The following PLCB1 variants were observed in gnomAD, a reference collection of about 807,000 sequenced individuals.
The protein encoded by PLCB1 is 1-phosphatidylinositol 4,5-bisphosphate phosphodiesterase beta-1.
PLCB1 carries 46 observed loss-of-function variants against 161.8 expected under a neutral mutation model. The ratio of observed to expected loss-of-function variants is 0.28; its 90% CI spans 0.22 to 0.36. The LOEUF is 0.36. PLCB1 is among the 10% of genes least tolerant of loss of function. The probability of loss-of-function intolerance (pLI) is 1.00; values close to 1 mark genes in which losing one functional copy is unlikely to be tolerated. For missense variants in PLCB1, 1,016 were observed against 1,472.5 expected (o/e 0.69, Z 5.07); for synonymous variants, 517 against 503.7 (o/e 1.03, Z -0.35).
chr20:8,140,891 C>A (rs1047975599), intron 1 of PLCB1, among the ~76,000 whole-genome samples: 11 of 151,994 alleles, frequency 7.2e-5, no homozygotes, highest in African/African-American at 2.4e-4. Context: ...CTCTGCCTCC[C>A]CGGTTCAAGC....
chr20:8,559,230 T>A (rs1429094379), intron 3 of PLCB1, among the ~76,000 whole-genome samples: 1 of 151,956 alleles, frequency 6.6e-6, no homozygotes, highest in African/African-American at 2.4e-5. Flanking sequence ...AAAGTAATTG[T>A]ATACTCTTGA....
At position 8,132,787 on chromosome 20, in the gene PLCB1, C is replaced by T. The variant is rs2051305857; in HGVS notation, c.99+37C>T. On this transcript the variant is annotated intron_variant, in intron 1 of 31. Transcript: ENST00000338037. The surrounding 1 kb of genome is among the most constrained non-coding windows in gnomAD (Gnocchi z 5.2). ...GGCGGCCCGAGTCGGGGCGCTGGCT[C>T]GGGCACCGGGCAGGGCGGGCGTCGT... The T allele has an allele frequency of 3.5e-6, 5 of 1,435,788 alleles. No homozygotes were observed. The highest frequency in any genetic ancestry group is 1.8e-4 in the Middle Eastern group (1 of 5,646). The allele number at this position is 1,435,788 out of a possible 1,614,324, so 88.9% of individuals were successfully genotyped here. A position where few individuals can be genotyped will look rare whatever the true frequency, so the allele number is the denominator to read the frequency against.
chr20:8,163,707 C>T (rs2051648205), intron 2 of PLCB1, among the ~76,000 whole-genome samples: 1 of 152,198 alleles, frequency 6.6e-6, no homozygotes, highest in Non-Finnish European at 1.5e-5. Flanking sequence ...CCCATGGCCA[C>T]ATTTGGCTGG....
intron 2 of PLCB1, among the ~76,000 whole-genome samples, chr20:8,218,955 T>C (rs954573945): frequency 6.6e-6 from 1 of 152,186 alleles, no homozygotes; most frequent in African/African-American, 2.4e-5. Context: ...TTCAGAGTTT[T>C]ATTCTACACT....
At chr20:8,668,091 A>G (rs1293536903) in intron 9 of PLCB1, among the ~76,000 whole-genome samples, 3 of 152,024 alleles carry the variant, frequency 2.0e-5, no homozygotes, top group Non-Finnish European at 4.4e-5. Flanking sequence ...GGGTCTTGTC[A>G]ATAGTCAATG....
At chr20:8,377,915 C>T (rs986195782) in intron 3 of PLCB1, among the ~76,000 whole-genome samples, 2 of 152,058 alleles carry the variant, frequency 1.3e-5, no homozygotes, top group Non-Finnish European at 2.9e-5. Flanking sequence ...CAAATGTGGG[C>T]ATTTGAGGCT....
intron 2 of PLCB1, among the ~76,000 whole-genome samples, chr20:8,256,295 G>A (rs6077338): frequency 0.22 from 33,274 of 151,880 alleles, 4,052 homozygotes; most frequent in Non-Finnish European, 0.28. Context: ...GCCTATCCTG[G>A]GTGGTTCTTC....
intron 2 of PLCB1, among the ~76,000 whole-genome samples, chr20:8,188,570 T>C (rs2051931689): frequency 6.6e-6 from 1 of 152,166 alleles, no homozygotes; most frequent in Non-Finnish European, 1.5e-5. Context: ...GACAGAAGTA[T>C]GTTTATGACA....
At chr20:8,756,127 A>T (rs1486484647) in intron 23 of PLCB1, among the ~76,000 whole-genome samples, 2 of 151,646 alleles carry the variant, frequency 1.3e-5, no homozygotes, top group Non-Finnish European at 2.9e-5. Context: ...AATATAAGGG[A>T]CTCCATTTAG....
At chr20:8,521,446 G>A (rs565274992) in intron 3 of PLCB1, among the ~76,000 whole-genome samples, 20 of 152,158 alleles carry the variant, frequency 1.3e-4, no homozygotes, top group Non-Finnish European at 2.9e-5. Flanking sequence ...GCTCATGTCT[G>A]TAATCCCAGC....
At chr20:8,841,179 A>G (rs1986491055) in intron 31 of PLCB1, among the ~76,000 whole-genome samples, 1 of 152,094 alleles carries the variant, frequency 6.6e-6, no homozygotes, top group Non-Finnish European at 1.5e-5. Context: ...TCCTACAACA[A>G]TAACTTTAAA....
Position 8,774,612 on chromosome 20 carries a change from A to C in PLCB1, c.3004A>C (p.Thr1002Pro), listed in dbSNP as rs1358746132. ...QDLAALDAEM[T>P]QKLIDLKDKQ... Reference sequence around the variant, plus strand: ...CCTCGCTGCTCTGGATGCTGAAATGACCCAAAAGTTAATAGACTTGAAGGA... The same window carrying C: ...CCTCGCTGCTCTGGATGCTGAAATGCCCCAAAAGTTAATAGACTTGAAGGA... Residue 1002 changes from threonine (T) to proline (P), a missense_variant, in exon 27 of 32, where the codon ACC becomes CCC. Transcript: ENST00000338037. 1.9e-6 allele frequency: 3 copies of C among 1,613,978 alleles called. No individual in the cohort carries two copies. The highest frequency in any genetic ancestry group is 2.5e-6 in the Non-Finnish European group (3 of 1,179,884).
chr20:8,367,691 T>C (rs1986758003), intron 2 of PLCB1, among the ~76,000 whole-genome samples: 1 of 152,206 alleles, frequency 6.6e-6, no homozygotes, highest in Non-Finnish European at 1.5e-5. Context: ...ACAGAAACTC[T>C]TAAACTGAGG....
At chr20:8,549,300 G>C (rs1027122146) in intron 3 of PLCB1, among the ~76,000 whole-genome samples, 1 of 152,144 alleles carries the variant, frequency 6.6e-6, no homozygotes, top group Non-Finnish European at 1.5e-5. Flanking sequence ...CCTAGTGCTT[G>C]CTTTTAACTA....
chr20:8,326,636 T>A (rs768352477), intron 2 of PLCB1, among the ~76,000 whole-genome samples: 5 of 152,220 alleles, frequency 3.3e-5, no homozygotes, highest in Non-Finnish European at 7.3e-5. Context: ...AACAAATGCC[T>A]ATTATTAATC....
chr20:8,377,963 AAAAG>A (rs1211134808), intron 3 of PLCB1, among the ~76,000 whole-genome samples: 1 of 152,168 alleles, frequency 6.6e-6, no homozygotes, highest in Non-Finnish European at 1.5e-5. Context: ...ATGTAGGTGT[AAAAG>A]AAAGAGGTTT....
At chr20:8,417,113 G>A (rs1332873474) in intron 3 of PLCB1, among the ~76,000 whole-genome samples, 1 of 88,076 alleles carries the variant, frequency 1.1e-5, no homozygotes, top group Middle Eastern at 0.013. Flanking sequence ...TTGAGATGGA[G>A]TCTCACTCTG....
At chr20:8,368,547 A>AAAAG (rs1371644480) in intron 2 of PLCB1, among the ~76,000 whole-genome samples, 13 of 150,674 alleles carry the variant, frequency 8.6e-5, no homozygotes, top group Non-Finnish European at 1.0e-4. Context: ...AAAAAAAAAA[A>AAAAG]AAAGAAAAAG....
chr20:8,756,657 G>A (rs1213471857), intron 23 of PLCB1, among the ~76,000 whole-genome samples: 2 of 152,076 alleles, frequency 1.3e-5, no homozygotes, highest in Non-Finnish European at 2.9e-5. Context: ...TGACAGACCA[G>A]GATGACTCAG....
Sources: allele counts gnomAD v4.1 joint callset (sites outside exome capture counted in the v4.1 genomes callset), GRCh38; gene constraint gnomAD v4.1.1; non-coding constraint Gnocchi (gnomAD v3.1); transcripts MANE v1.5; gene names NCBI Gene and HGNC (gene_info 2026-07-23, HGNC 2026-07-21).